The following MYL7 variants were observed in gnomAD, a reference collection of about 807,000 sequenced individuals.
MYL7 encodes myosin light chain 7.
A neutral mutation model predicts 22.5 loss-of-function variants in MYL7; 27 were observed. That is an observed-to-expected ratio of 1.20 (90% CI 0.89 to 1.66). The LOEUF is 1.66. MYL7 is among the 40% of genes most tolerant of loss of function. MYL7 has a pLI of 0.00. For synonymous variants in MYL7, 81 were observed against 84.4 expected (o/e 0.96, Z 0.22); for missense variants, 209 against 226.8 (o/e 0.92, Z 0.50).
chr7:44,139,301 C>T (rs563825464), intron 6 of MYL7: 4 of 682,566 alleles, frequency 5.9e-6, no homozygotes, highest in Admixed American at 4.3e-5. Context: ...CTATCCACTT[C>T]CCCCCAGGTC....
intron 2 of MYL7, 84 bp from the exon 3 acceptor site, chr7:44,140,871 A>G: frequency 7.8e-7 from 1 of 1,279,538 alleles, no homozygotes; most frequent in East Asian, 5.2e-5. Context: ...GTGGTGTGAG[A>G]GGCAAGGTCA....
rs748246344 is a variant in MYL7 at position 44,141,078 on chromosome 7, C to T, written c.4-4G>A. 6.2e-7 allele frequency: 1 copy of T among 1,613,832 alleles called. No homozygotes were observed. Among genetic ancestry groups the T allele is most frequent in the African/African-American group, 1.3e-5 (1 of 74,996 alleles). On this transcript the variant is annotated splice_region_variant and splice_polypyrimidine_tract_variant and intron_variant, in intron 1 of 6. Transcript: ENST00000223364. ...GGGTCCCCGCCTTCCTGCTGGCCTG[C>T]AACACTGTGAGTAGGGAGGGGTCCT...
chr7:44,138,982 C>G lies in MYL7; in HGVS notation c.467G>C (p.Gly156Ala), dbSNP rs895622855. ...GCACAGTGACTTGTAGTCGATGTTC[C>G]CCGCCAGGTCCATGGGTGTCAGGGC... ...MFALTPMDLA[G>A]NIDYKSLCYI... is the part of the protein sequence containing the mutation. Residue 156 changes from glycine (G) to alanine (A), a missense_variant, in exon 7 of 7, where the codon GGG becomes GCG. Gly to Ala is a moderately conservative substitution (Grantham distance 60). Transcript: ENST00000223364. 32 of 1,614,122 alleles carry G rather than the reference C, an allele frequency of 2.0e-5. No homozygotes were observed. The highest frequency in any genetic ancestry group is 2.5e-5 in the Non-Finnish European group (29 of 1,180,018).
chr7:44,140,275 GCAGGCTCCCTGCCTGGC>G, intron 4 of MYL7, 31 bp downstream of exon 4: 3 of 1,519,776 alleles, frequency 2.0e-6, no homozygotes, highest in Non-Finnish European at 2.7e-6. Context: ...CAGGCAGGGT[GCAGGCTCCCTGCCTGGC>G]CAAGGGTGCC....
intron 6 of MYL7, 47 bp from the exon 7 acceptor site, chr7:44,139,069 C>T: frequency 6.7e-7 from 1 of 1,483,768 alleles, no homozygotes; most frequent in Non-Finnish European, 9.4e-7. Context: ...CCTGGCCCAG[C>T]CCGGCAGAGA....
At position 44,141,041 on chromosome 7, in the gene MYL7, C is replaced by A. The variant is rs1651096424; in HGVS notation, c.37G>T (p.Ala13Ser). The change falls in exon 2 of 7, where the codon GCA becomes TCA. Residue 13 changes from alanine to serine, a missense_variant. Coordinates refer to ENST00000223364, the MANE Select transcript of MYL7 (RefSeq NM_021223.3). ...CCACGTTGGGCCTGCTTGGTGGCTG[C>A]CACCTTGCCCCGGGTCCCCGCCTTC... ...SRKAGTRGKV[A>S]ATKQAQRGSS... The A allele has an allele frequency of 6.2e-7, 1 of 1,613,996 alleles. No individual in the cohort carries two copies.
intron 6 of MYL7, 89 bp downstream of exon 6, chr7:44,139,432 A>G (rs763653837): frequency 7.0e-7 from 1 of 1,437,242 alleles, no homozygotes; most frequent in South Asian, 1.1e-5. Flanking sequence ...CCTTCCAGCA[A>G]CTGCCTCACT....
At chr7:44,140,489 C>A in intron 3 of MYL7, 62 bp from the exon 4 acceptor site, 1 of 1,427,184 alleles carries the variant, frequency 7.0e-7, no homozygotes, top group Non-Finnish European at 9.7e-7. Context: ...AAGGCCCAGG[C>A]CGCCCTCCCT....
Position 44,139,555 on chromosome 7 carries a change from A to G in MYL7, c.392T>C (p.Leu131Pro). 1 of 1,609,858 alleles carries G rather than the reference A, an allele frequency of 6.2e-7. No homozygotes were observed. The highest frequency in any genetic ancestry group is 1.1e-5 in the South Asian group (1 of 90,502). Residue 131 changes from leucine to proline, a missense_variant, in exon 6 of 7, where the codon CTC becomes CCC. Leu to Pro is a moderately conservative substitution (Grantham distance 98, BLOSUM62 -3). Transcript: ENST00000223364. ...AGAGAACTTGTCTGCCTGGGTCAGG[A>G]GAAGCTGCTTGAACCTGGGGGGTGA... is the stretch of plus-strand genomic sequence containing the variant. ...VVNKDEFKQL[L>P]LTQADKFSPA...
rs1166380068 is a variant in MYL7 at position 44,139,781 on chromosome 7, C to T, written c.377+1G>A. On this transcript the variant is annotated splice_donor_variant, in intron 5 of 6. Transcript: ENST00000223364. LOFTEE classifies it high-confidence loss of function. ...CCTCATCTGGCTGGGCCCATACTTA[C>T]TCATCCTTGTTCACCACCCCTTTGC... is the stretch of plus-strand genomic sequence containing the variant. 1.2e-6 allele frequency: 2 copies of T among 1,612,796 alleles called. No homozygotes were observed. Among genetic ancestry groups the T allele is most frequent in the Non-Finnish European group, 1.7e-6 (2 of 1,179,710 alleles).
rs189128496 is a variant in MYL7 at position 44,139,390 on chromosome 7, T to C, written c.426+131A>G. On this transcript the variant is annotated intron_variant, in intron 6 of 6. Coordinates refer to ENST00000223364, the MANE Select transcript of MYL7 (RefSeq NM_021223.3). ...TTTACCCTCTAGGTCTCAACAGAGA[T>C]GGCACCTCCTCCAGAAGGGCCCTCG... The C allele has an allele frequency of 2.0e-4, 203 of 1,007,774 alleles. No homozygotes were observed. The East Asian group carries it at 3.1e-3, about 15-fold the overall frequency. 62.4% of individuals were successfully genotyped at this position (1,007,774 alleles called of 1,614,324 possible). A position where few individuals can be genotyped will look rare whatever the true frequency, so the allele number is the denominator to read the frequency against.
rs201361368 is a variant in MYL7, at chr7:44,140,746, G to C, written c.159C>G (p.Cys53Trp). Reference sequence around the variant, plus strand: ...AGTAGGTCTCCCTCAGGTCTGCCTTGCAGATGATGCCATCACGATTCTGGT... The same window carrying C: ...AGTAGGTCTCCCTCAGGTCTGCCTTCCAGATGATGCCATCACGATTCTGGT... ...CIDQNRDGII[C>W]KADLRETYSQ... The change falls in exon 3 of 7, where the codon TGC becomes TGG. Residue 53 changes from cysteine (C) to tryptophan (W), a missense_variant. Physicochemically the swap from Cys to Trp is radical, Grantham distance 215. Coordinates refer to ENST00000223364, the MANE Select transcript of MYL7 (RefSeq NM_021223.3). The C allele has an allele frequency of 8.7e-6, 14 of 1,612,768 alleles. No individual in the cohort carries two copies. The highest frequency in any genetic ancestry group is 1.2e-5 in the Non-Finnish European group (14 of 1,179,506).
In MYL7 at chr7:44,141,056, T is replaced by C; in HGVS notation, c.22A>G (p.Thr8Ala). 6.2e-7 allele frequency: 1 copy of C among 1,613,658 alleles called. No homozygotes were observed. The highest frequency in any genetic ancestry group is 8.5e-7 in the Non-Finnish European group (1 of 1,179,798). ...TTGGTGGCTGCCACCTTGCCCCGGG[T>C]CCCCGCCTTCCTGCTGGCCTGCAAC... is the stretch of plus-strand genomic sequence containing the variant. MASRKAG[T>A]RGKVAATKQA... Residue 8 changes from threonine (T) to alanine (A), a missense_variant, in exon 2 of 7, where the codon ACC (threonine) becomes GCC (alanine). Physicochemically the swap from Thr to Ala is moderately conservative, Grantham distance 58. Coordinates refer to ENST00000223364, the MANE Select transcript of MYL7 (RefSeq NM_021223.3).
At chr7:44,139,485 C>T in intron 6 of MYL7, 36 bp downstream of exon 6, 1 of 1,611,460 alleles carries the variant, frequency 6.2e-7, no homozygotes. Flanking sequence ...AGAGAAGGTG[C>T]TGGGGATGAG....
At chr7:44,140,887 G>A in intron 2 of MYL7, 74 bp downstream of exon 2, 2 of 1,542,976 alleles carry the variant, frequency 1.3e-6, no homozygotes, top group Non-Finnish European at 1.8e-6. Context: ...GGTCAGGGTA[G>A]AAGGGGGGTA....
Position 44,139,787 on chromosome 7 carries a change from C to G in MYL7, c.372G>C (p.Lys124Asn). ...FDPSGKGVVN[K>N]DEFKQLLLTQ... ...CTGGCTGGGCCCATACTTACTCATC[C>G]TTGTTCACCACCCCTTTGCCGCTGG... is the stretch of plus-strand genomic sequence containing the variant. Residue 124 changes from lysine (K) to asparagine (N), a missense_variant, in exon 5 of 7, where the codon AAG becomes AAC. Lys to Asn is a moderately conservative substitution (Grantham distance 94). Transcript: ENST00000223364. 1 of 1,612,778 alleles carries G rather than the reference C, an allele frequency of 6.2e-7. No homozygotes were observed. The highest frequency in any genetic ancestry group is 8.5e-7 in the Non-Finnish European group (1 of 1,179,696).
In MYL7 at chr7:44,139,306, C is replaced by A. The variant is rs1172911982; in HGVS notation, c.426+215G>T. The A allele has an allele frequency of 5.8e-6, 4 of 695,540 alleles. No homozygotes were observed. The Admixed American group carries it at 8.3e-5, about 14-fold the overall frequency. The allele number at this position is 695,540 out of a possible 1,614,324, so 43.1% of individuals were successfully genotyped here. On this transcript the variant is annotated intron_variant, in intron 6 of 6. Coordinates refer to ENST00000223364, the MANE Select transcript of MYL7 (RefSeq NM_021223.3). Reference sequence around the variant, plus strand: ...AAACCTCTCCCTATCCACTTCCCCCCAGGTCTGTGCACAGTCTCCCTGCCT... The same window carrying A: ...AAACCTCTCCCTATCCACTTCCCCCAAGGTCTGTGCACAGTCTCCCTGCCT...
chr7:44,140,287 C>T, intron 4 of MYL7, 36 bp downstream of exon 4: 1 of 1,582,716 alleles, frequency 6.3e-7, no homozygotes, highest in Non-Finnish European at 8.7e-7. Context: ...AGGCTCCCTG[C>T]CTGGCCAAGG....
intron 4 of MYL7, among the ~76,000 whole-genome samples, 181 bp downstream of exon 4, chr7:44,140,142 G>A (rs557287533): frequency 4.2e-4 from 64 of 152,260 alleles, no homozygotes; most frequent in African/African-American, 1.5e-3. Context: ...CTGGGGCAGA[G>A]GATGTGCTTG....
Sources: gnomAD v4.1 joint callset for allele counts (sites outside exome capture counted in the v4.1 genomes callset) on GRCh38, gnomAD v4.1.1 for gene constraint, MANE v1.5 for transcripts, NCBI Gene and HGNC (gene_info 2026-07-23, HGNC 2026-07-21) for gene names.